Variants in PTK2 observed in about 807,000 individuals in gnomAD.
The protein encoded by PTK2 is focal adhesion kinase 1.
In PTK2, 45 loss-of-function variants were observed where a neutral mutation model predicts 150.1. That is an observed-to-expected ratio of 0.30 (90% confidence interval 0.24 to 0.38). The LOEUF is 0.38. Ranked by LOEUF, PTK2 falls within the 10% of genes least tolerant of loss-of-function variation. The probability of loss-of-function intolerance (pLI) is 1.00; values close to 1 mark genes in which losing one functional copy is unlikely to be tolerated. For synonymous variants in PTK2, 432 were observed against 449.2 expected, an observed-to-expected ratio of 0.96 and a Z score of 0.48; for missense variants, 919 against 1,307.3, an observed-to-expected ratio of 0.70 and a Z score of 4.58.
At chr8:140,969,834 A>G (rs1352640779) in intron 1 of PTK2, among the ~76,000 whole-genome samples, 2 of 152,214 alleles carry the variant, frequency 1.3e-5, no homozygotes, top group African/African-American at 2.4e-5. Flanking sequence ...CTGCATCATT[A>G]CCACCTTCTA....
At chr8:140,864,145 AC>A (rs1322655409) in intron 5 of PTK2, among the ~76,000 whole-genome samples, 166 bp downstream of exon 5, 1 of 152,262 alleles carries the variant, frequency 6.6e-6, no homozygotes, top group Non-Finnish European at 1.5e-5. Context: ...CTCACAAAGA[AC>A]AAAAAAATTA....
intron 1 of PTK2, among the ~76,000 whole-genome samples, chr8:140,943,146 C>T (rs548811682): frequency 2.6e-5 from 4 of 152,254 alleles, no homozygotes; most frequent in African/African-American, 7.2e-5. Flanking sequence ...TTTATACCAA[C>T]GCAAGAACAG....
intron 1 of PTK2, among the ~76,000 whole-genome samples, chr8:140,946,508 GA>G (rs2100177753): frequency 6.6e-6 from 1 of 152,082 alleles, no homozygotes; most frequent in Admixed American, 6.6e-5. Flanking sequence ...ATACTATTAG[GA>G]AACAAGAATG....
intron 13 of PTK2, among the ~76,000 whole-genome samples, chr8:140,792,778 G>A (rs1407374303): frequency 1.3e-5 from 2 of 152,204 alleles, no homozygotes; most frequent in East Asian, 3.8e-4. Context: ...CTTGGAAAGT[G>A]TAAATATCTC....
chr8:140,745,478 C>T (rs1013850849), intron 18 of PTK2, among the ~76,000 whole-genome samples: 1 of 152,108 alleles, frequency 6.6e-6, no homozygotes. Context: ...AGAAAAGTAC[C>T]GTGAACAAGA....
At chr8:140,988,962 T>C (rs1158013861) in intron 1 of PTK2, among the ~76,000 whole-genome samples, 1 of 151,634 alleles carries the variant, frequency 6.6e-6, no homozygotes, top group African/African-American at 2.4e-5. Context: ...TATTAAACAT[T>C]TAGAAAATAA....
At chr8:140,839,509 G>A (rs2100120982) in intron 7 of PTK2, among the ~76,000 whole-genome samples, 1 of 151,880 alleles carries the variant, frequency 6.6e-6, no homozygotes, top group South Asian at 2.1e-4. Flanking sequence ...ACCACAGATG[G>A]GCATACCAGA....
intron 1 of PTK2, among the ~76,000 whole-genome samples, chr8:140,992,334 G>A (rs1002760327): frequency 7.9e-5 from 12 of 151,744 alleles, no homozygotes; most frequent in African/African-American, 2.7e-4. Context: ...GCTGGGCGTG[G>A]TGGCATACCC....
intron 7 of PTK2, among the ~76,000 whole-genome samples, chr8:140,830,844 T>C (rs550890083): frequency 2.7e-4 from 41 of 152,324 alleles, no homozygotes; most frequent in Non-Finnish European, 5.0e-4. Context: ...TTAAAAACTG[T>C]CCTTTTTCAG....
At position 140,762,400 on chromosome 8, in the gene PTK2, T is replaced by A; in HGVS notation, c.1235-1138A>T. The A allele has an allele frequency of 1.8e-6, 2 of 1,141,616 alleles. No homozygotes were observed. Among genetic ancestry groups the A allele is most frequent in the Admixed American group, 4.3e-5 (1 of 23,254 alleles). The allele number at this position is 1,141,616 out of a possible 1,614,324, so 70.7% of individuals were successfully genotyped here. On this transcript the variant is annotated intron_variant, in intron 15 of 31. Coordinates refer to ENST00000522684, the Ensembl canonical transcript of PTK2. The stretch of plus-strand genomic sequence containing the variant: ...TATTCCATAGCTTTCTGTATTGCAA[T>A]TAAGAGAGAAAAAAATTGAAGACCT...
At chr8:140,668,668 C>CA (rs2093831264) in intron 29 of PTK2, 1 of 361,540 alleles carries the variant, frequency 2.8e-6, no homozygotes, top group Non-Finnish European at 4.9e-6. Context: ...TGGAATCATA[C>CA]ATATTATACT....
At chr8:140,893,898 A>G (rs775970139) in intron 2 of PTK2, among the ~76,000 whole-genome samples, 16 of 152,216 alleles carry the variant, frequency 1.1e-4, no homozygotes, top group Non-Finnish European at 2.2e-4. Flanking sequence ...GAACTCTCAT[A>G]CACTGCTGAT....
intron 2 of PTK2, chr8:140,921,150 C>T: frequency 8.1e-7 from 1 of 1,229,600 alleles, no homozygotes; most frequent in Non-Finnish European, 1.0e-6. Context: ...ACAGACCATC[C>T]TGGCTAGATC....
At chr8:140,775,455 A>G (rs2100077867) in intron 14 of PTK2, among the ~76,000 whole-genome samples, 1 of 152,136 alleles carries the variant, frequency 6.6e-6, no homozygotes, top group Admixed American at 6.5e-5. Flanking sequence ...ACTGCACTCC[A>G]GTCTGGACAA....
At chr8:140,720,016 C>T (rs766402702) in intron 22 of PTK2, among the ~76,000 whole-genome samples, 1 of 151,994 alleles carries the variant, frequency 6.6e-6, no homozygotes, top group Admixed American at 6.6e-5. Context: ...TACGTTCTAG[C>T]TGCAGAACTA....
At chr8:140,674,775 A>G (rs1339666423) in intron 28 of PTK2, among the ~76,000 whole-genome samples, 1 of 151,870 alleles carries the variant, frequency 6.6e-6, no homozygotes, top group African/African-American at 2.4e-5. Flanking sequence ...GGCTGAGCAC[A>G]GTGGCTCACG....
At chr8:140,823,093 A>C (rs898476483) in intron 8 of PTK2, among the ~76,000 whole-genome samples, 4 of 152,238 alleles carry the variant, frequency 2.6e-5, no homozygotes, top group Admixed American at 2.6e-4. Flanking sequence ...CTTTAAGTGT[A>C]TGATACAATA....
exon 3 of PTK2, chr8:140,890,554 T>C (rs2100153884): frequency 1.9e-6 from 3 of 1,613,698 alleles, no homozygotes. Flanking sequence ...CTGACATCAG[T>C]AGCATCTCCA....
chr8:140,797,076 G>A (rs2154591989), intron 12 of PTK2, among the ~76,000 whole-genome samples: 1 of 152,238 alleles, frequency 6.6e-6, no homozygotes, highest in South Asian at 2.1e-4. Flanking sequence ...GCAGACAAAT[G>A]GGCAGAGTAC....
Sources: allele counts gnomAD v4.1 joint callset (sites outside exome capture counted in the v4.1 genomes callset), GRCh38; gene constraint gnomAD v4.1.1; transcripts MANE v1.5; gene names NCBI Gene and HGNC (gene_info 2026-07-23, HGNC 2026-07-21).